TRPM2: variants seen among roughly 807,000 people sequenced by gnomAD.
TRPM2 encodes the protein transient receptor potential cation channel subfamily M member 2, also known as estrogen-responsive element-associated gene 1 protein.
TRPM2 carries 161 observed loss-of-function variants against 174.0 expected under a neutral mutation model. The observed-to-expected ratio is 0.93, with a 90% CI of 0.81 to 1.05. TRPM2 has a LOEUF of 1.05. Ranked by LOEUF, TRPM2 falls within the 50% of genes least tolerant of loss-of-function variation. The pLI is 0.00. For synonymous variants in TRPM2, 954 were observed against 861.3 expected, an observed-to-expected ratio of 1.11 and a Z score of -1.88; for missense variants, 2,057 against 2,038.0, an observed-to-expected ratio of 1.01 and a Z score of -0.18.
Position 44,418,086 on chromosome 21 carries a change from G to T in TRPM2, c.3306G>T (p.Pro1102=), listed in dbSNP as rs200864433. 6 of 1,612,222 alleles carry T rather than the reference G, an allele frequency of 3.7e-6. No individual in the cohort carries two copies. In the South Asian group the frequency reaches 6.6e-5, roughly 18 times the overall value. Residue 1102 remains proline (P), a synonymous_variant, in exon 21 of 32, where the codon CCG becomes CCT. Coordinates refer to ENST00000397928, the MANE Select transcript of TRPM2 (RefSeq NM_003307.4). ...TCAAGAGGGTGGTCCTGAAGACTCCGGCCAAGAGGCACAAGCAGCTCAGTA... is the reference window on the plus strand; with the variant it reads ...TCAAGAGGGTGGTCCTGAAGACTCCTGCCAAGAGGCACAAGCAGCTCAGTA... ...LFIKRVVLKT[P]AKRHKQLKNK... is the part of the protein sequence containing the mutation.
rs144290883 is a variant in TRPM2 at position 44,427,065 on chromosome 21, C to T, written c.3928C>T (p.Arg1310Cys). ...CAACGTGGTGGATGGCCTGAGGGAC[C>T]GCCGGAGCTTCCACGGGCCGTACAC... ...QYNVVDGLRD[R>C]RSFHGPYTVQ... is the part of the protein sequence containing the mutation. Residue 1310 changes from arginine to cysteine, a missense_variant, in exon 27 of 32, where the codon CGC becomes TGC. Physicochemically the swap from Arg to Cys is radical, Grantham distance 180 (BLOSUM62 -3). Transcript: ENST00000397928. 2.5e-5 allele frequency: 40 copies of T among 1,607,550 alleles called. No individual in the cohort carries two copies. Among genetic ancestry groups the T allele is most frequent in the African/African-American group, 5.3e-5 (4 of 74,866 alleles).
At chr21:44,394,612 C>A (rs1314283447) in intron 11 of TRPM2, among the ~76,000 whole-genome samples, 1 of 151,780 alleles carries the variant, frequency 6.6e-6, no homozygotes, top group Non-Finnish European at 1.5e-5. Context: ...AGCCACCGTG[C>A]CAGGCCGGGT....
intron 22 of TRPM2, among the ~76,000 whole-genome samples, chr21:44,420,742 G>A (rs2050519516): frequency 6.6e-6 from 1 of 152,228 alleles, no homozygotes; most frequent in Admixed American, 6.5e-5. Flanking sequence ...GATGAAGCTG[G>A]AAGGCCACAG....
chr21:44,403,241 T>A (rs1186024840), intron 16 of TRPM2, among the ~76,000 whole-genome samples: 2 of 152,152 alleles, frequency 1.3e-5, no homozygotes, highest in Non-Finnish European at 2.9e-5. Flanking sequence ...CCCTGGTTGG[T>A]CCTGCTGGTC....
rs188065078 is a variant in TRPM2, at chr21:44,394,381, G to A, written c.1795-1033G>A. Among the ~76,000 whole-genome samples, 110 of 146,110 alleles carry A rather than the reference G, an allele frequency of 7.5e-4. No individual in the cohort carries two copies. The Middle Eastern group carries it at 0.011, about 15-fold the overall frequency. On this transcript the variant is annotated intron_variant, in intron 11 of 31. Transcript: ENST00000397928. ...GCTGCCCAGGCTGGAGTGTAGTGGC[G>A]CAATCTTGGCTCACTGCAACCTCCA...
intron 22 of TRPM2, chr21:44,422,149 G>T (rs780250867): frequency 8.4e-7 from 1 of 1,186,096 alleles, no homozygotes; most frequent in Non-Finnish European, 1.2e-6. Context: ...AAGGGCCCTA[G>T]CCTGGTCACC....
Position 44,418,126 on chromosome 21 carries a change from C to G in TRPM2, c.3328+18C>G, listed in dbSNP as rs377736660. The G allele has an allele frequency of 1.3e-5, 21 of 1,601,460 alleles. No homozygotes were observed. The highest frequency in any genetic ancestry group is 1.7e-5 in the Non-Finnish European group (20 of 1,173,476). On this transcript the variant is annotated intron_variant, in intron 21 of 31. Transcript: ENST00000397928. The stretch of plus-strand genomic sequence containing the variant: ...GCAGCTCAGTATGCCAGCCCCAGTG[C>G]CTCTCCTGAATGTCCTGGCCACCCG...
At chr21:44,405,842 G>C (rs1242213552) in intron 17 of TRPM2, 63 bp from the exon 18 acceptor site, 3 of 1,566,100 alleles carry the variant, frequency 1.9e-6, no homozygotes, top group Admixed American at 3.6e-5. Flanking sequence ...GGCGACGGGG[G>C]ACAGCTCTGG....
In TRPM2 at chr21:44,406,572, C is replaced by G. The variant is rs1222653578; in HGVS notation, c.2791-22C>G. ...GCATCGGGGGCCAGGAGAGTGTAGCCCACACACTCTCTGTCCTGCAGATGA... is the reference window on the plus strand; with the variant it reads ...GCATCGGGGGCCAGGAGAGTGTAGCGCACACACTCTCTGTCCTGCAGATGA... On this transcript the variant is annotated intron_variant, in intron 18 of 31. Coordinates refer to ENST00000397928, the MANE Select transcript of TRPM2 (RefSeq NM_003307.4). 5.0e-6 allele frequency: 8 copies of G among 1,599,746 alleles called. No individual in the cohort carries two copies. The Admixed American group carries it at 6.9e-5, about 14-fold the overall frequency.
chr21:44,363,287 G>A (rs1301344386), intron 2 of TRPM2, among the ~76,000 whole-genome samples: 1 of 152,138 alleles, frequency 6.6e-6, no homozygotes, highest in Non-Finnish European at 1.5e-5. Flanking sequence ...GGAACTCTGA[G>A]CATGAATGTA....
intron 27 of TRPM2, among the ~76,000 whole-genome samples, chr21:44,433,422 A>G (rs1447120024): frequency 6.6e-6 from 1 of 152,232 alleles, no homozygotes; most frequent in Non-Finnish European, 1.5e-5. Flanking sequence ...TCTGGAGCTC[A>G]GTGCAGCTCT....
In TRPM2 at chr21:44,362,348, C is replaced by CAAA. The variant is rs57031573; in HGVS notation, c.255-1751_255-1749dup. ...TGAAACCCCGTCTCTACTAAAAATA[C>CAAA]AAAAAAAAAAAAAAAAAGCCAGATG... is the stretch of plus-strand genomic sequence containing the variant. On this transcript the variant is annotated intron_variant, in intron 2 of 31. Transcript: ENST00000397928. 9.0e-4 allele frequency among the ~76,000 whole-genome samples: 80 copies of CAAA among 89,252 alleles called. 3 individuals carry two copies. The highest frequency in any genetic ancestry group is 3.1e-3 in the African/African-American group (75 of 24,294). 58.6% of individuals were successfully genotyped at this position (89,252 alleles called of 152,430 possible).
At position 44,440,897 on chromosome 21, in the gene TRPM2, C is replaced by T. The variant is rs1450488539; in HGVS notation, c.4378C>T (p.Leu1460=). The change falls in exon 31 of 32, where the codon CTG becomes TTG. Residue 1460 remains leucine (L), a synonymous_variant. Coordinates refer to ENST00000397928, the MANE Select transcript of TRPM2 (RefSeq NM_003307.4). The part of the protein sequence containing the change: ...QDQNDVELNR[L]NSNLHACDSG... ...CCAGAATGACGTGGAGCTGAACAGG[C>T]TGAACTCTGTATGTGCCTGGCCTCC... is the stretch of plus-strand genomic sequence containing the variant. 6.2e-7 allele frequency: 1 copy of T among 1,613,718 alleles called. No homozygotes were observed. Among genetic ancestry groups the T allele is most frequent in the South Asian group, 1.1e-5 (1 of 91,072 alleles).
Position 44,367,677 on chromosome 21 carries a change from G to A in TRPM2, c.604+743G>A, listed in dbSNP as rs769204731. ...TGAGGTGACTACTTGGCAATGTTGC[G>A]TCCGGATGGGCCTAGAGTCACCCTG... On this transcript the variant is annotated intron_variant, in intron 4 of 31. Transcript: ENST00000397928. This position sits in a 1 kb window ranked among gnomAD's most constrained non-coding sequence, Gnocchi z 4.6. 5.9e-5 allele frequency among the ~76,000 whole-genome samples: 9 copies of A among 152,208 alleles called. No homozygotes were observed. Among genetic ancestry groups the A allele is most frequent in the Admixed American group, 3.3e-4 (5 of 15,280 alleles).
Position 44,435,097 on chromosome 21 carries a change from G to A in TRPM2, c.3975-34G>A, listed in dbSNP as rs200789241. 266 of 1,598,188 alleles carry A rather than the reference G, an allele frequency of 1.7e-4. No homozygotes were observed. The African/African-American group carries it at 3.2e-3, about 19-fold the overall frequency. On this transcript the variant is annotated intron_variant, in intron 27 of 31. Transcript: ENST00000397928. ...GCCCTGTCCTGCTCCCCCATTGGTG[G>A]ACGGTGGACTGACTCAACCCCTCTG...
chr21:44,401,080 C>G (rs1569066696), intron 15 of TRPM2, among the ~76,000 whole-genome samples: 1 of 152,152 alleles, frequency 6.6e-6, no homozygotes, highest in African/African-American at 2.4e-5. Context: ...TGGTGGGAAA[C>G]TGAGGCAGGG....
At position 44,413,997 on chromosome 21, in the gene TRPM2, G is replaced by A; in HGVS notation, c.3069G>A (p.Trp1023Ter). 1 of 1,613,774 alleles carries A rather than the reference G, an allele frequency of 6.2e-7. No homozygotes were observed. Among genetic ancestry groups the A allele is most frequent in the South Asian group, 1.1e-5 (1 of 91,078 alleles). ...AGCAGAGGCCGGCCTTCCCTGAGTG[G>A]CTGACGGTCCTCCTACTCTGCCTCT... ...ATQQRPAFPE[W>*]LTVLLLCLYL... The change falls in exon 20 of 32, where the codon TGG becomes TGA. Residue 1023 changes from tryptophan (W) to a stop codon, truncating the protein, a stop_gained. Coordinates refer to ENST00000397928, the MANE Select transcript of TRPM2 (RefSeq NM_003307.4). LOFTEE classifies it high-confidence loss of function.
At chr21:44,414,797 C>T (rs1253688015) in intron 20 of TRPM2, 5 of 152,040 alleles carry the variant, frequency 3.3e-5, no homozygotes, top group South Asian at 4.2e-4. Flanking sequence ...CACATTTGGG[C>T]GGAGTTACTG....
rs908761896 is a variant in TRPM2, at chr21:44,417,924, C to T, written c.3147-3C>T. On this transcript the variant is annotated splice_region_variant and splice_polypyrimidine_tract_variant and intron_variant, in intron 20 of 31. Coordinates refer to ENST00000397928, the MANE Select transcript of TRPM2 (RefSeq NM_003307.4). ...CGAGGTGTTGCTTTCTCCTCCCTGA[C>T]AGCTACACCTTCCAGCAGGTGCAGG... 4.3e-6 allele frequency: 7 copies of T among 1,610,020 alleles called. No homozygotes were observed. The South Asian group carries it at 6.6e-5, about 15-fold the overall frequency.
Sources: allele counts gnomAD v4.1 joint callset (sites outside exome capture counted in the v4.1 genomes callset), GRCh38; gene constraint gnomAD v4.1.1; non-coding constraint Gnocchi (gnomAD v3.1); transcripts MANE v1.5; gene names NCBI Gene and HGNC (gene_info 2026-07-23, HGNC 2026-07-21).